ONECUT2: variants seen among roughly 807,000 people sequenced by gnomAD.
The protein encoded by ONECUT2 is one cut homeobox 2.
In ONECUT2, 10 loss-of-function variants were observed where a neutral mutation model predicts 27.9. The ratio of observed to expected loss-of-function variants is 0.36; its 90% confidence interval spans 0.22 to 0.61. ONECUT2 has a LOEUF of 0.61. Ranked by LOEUF, ONECUT2 falls within the 20% of genes least tolerant of loss-of-function variation. The pLI is 0.73. For synonymous variants in ONECUT2, 334 were observed against 315.1 expected (o/e 1.06, Z -0.64); for missense variants, 686 against 721.0 (o/e 0.95, Z 0.56).
At chr18:57,437,053 C>G in intron 1 of ONECUT2, 109 bp downstream of exon 1, 1 of 1,447,748 alleles carries the variant, frequency 6.9e-7, no homozygotes, top group Non-Finnish European at 9.1e-7. Flanking sequence ...CTTTCCTTCT[C>G]TTTCCTATAC....
At chr18:57,454,064 G>T (rs996756636) in intron 1 of ONECUT2, among the ~76,000 whole-genome samples, 1 of 152,064 alleles carries the variant, frequency 6.6e-6, no homozygotes, top group South Asian at 2.1e-4. Context: ...TTGTTCCAAA[G>T]AACTGCTTTT....
intron 1 of ONECUT2, among the ~76,000 whole-genome samples, chr18:57,442,243 G>GT (rs1568118321): frequency 0.062 from 7,927 of 127,378 alleles, 277 homozygotes; most frequent in Non-Finnish European, 0.082. Flanking sequence ...AATTCTTCTG[G>GT]GTTTTTTTTT....
chr18:57,448,466 C>A (rs952845097), intron 1 of ONECUT2, among the ~76,000 whole-genome samples: 5 of 152,244 alleles, frequency 3.3e-5, no homozygotes, highest in African/African-American at 1.2e-4. Flanking sequence ...TCTAAATGCC[C>A]AAAATTTTGT....
At position 57,479,726 on chromosome 18, in the gene ONECUT2, G is replaced by A. The variant is rs958745275; in HGVS notation, c.*3003G>A. ...CCCAGAACTGGGTCCTGACAGTGGG[G>A]TGCTCATCTTCTGTAACTGTTGGGA... On this transcript the variant is annotated 3_prime_UTR_variant, in exon 2 of 2. Transcript: ENST00000491143. The A allele has an allele frequency of 6.6e-6, 1 of 152,532 alleles. No individual in the cohort carries two copies. The highest frequency in any genetic ancestry group is 6.5e-5 in the Admixed American group (1 of 15,278). 9.4% of individuals were successfully genotyped at this position (152,532 alleles called of 1,614,324 possible). A position where few individuals can be genotyped will look rare whatever the true frequency, so the allele number is the denominator to read the frequency against.
Position 57,436,611 on chromosome 18 carries a change from G to A in ONECUT2, c.895G>A (p.Gly299Ser), listed in dbSNP as rs769758248. Reference protein sequence around the residue: ...MSHLNGLHHPGHTQSHGPVLA... With the variant: ...MSHLNGLHHPSHTQSHGPVLA... ...GCACCTGAACGGCCTGCACCACCCG[G>A]GCCACACTCAGTCTCACGGGCCGGT... The change falls in exon 1 of 2, where the codon GGC becomes AGC. Residue 299 changes from glycine (G) to serine (S), a missense_variant. Around this residue, in one of 4 missense-constraint regions of ONECUT2, gnomAD observed 511 missense variants for 488.1 expected, o/e 1.05. Transcript: ENST00000491143. The surrounding 1 kb of genome is among the most constrained non-coding windows in gnomAD (Gnocchi z 5.9). 6 of 1,610,818 alleles carry A rather than the reference G, an allele frequency of 3.7e-6. No individual in the cohort carries two copies. Among genetic ancestry groups the A allele is most frequent in the Non-Finnish European group, 5.1e-6 (6 of 1,179,878 alleles).
At chr18:57,469,619 G>A (rs1304959990) in intron 1 of ONECUT2, among the ~76,000 whole-genome samples, 1 of 152,316 alleles carries the variant, frequency 6.6e-6, no homozygotes, top group South Asian at 2.1e-4. Context: ...TTGGCTATGA[G>A]ACAACCTCAC....
chr18:57,467,761 C>T (rs986098848), intron 1 of ONECUT2, among the ~76,000 whole-genome samples: 2 of 152,242 alleles, frequency 1.3e-5, no homozygotes, highest in African/African-American at 4.8e-5. Flanking sequence ...GCCCAAGACA[C>T]GGCTCACACC....
chr18:57,456,651 C>T lies in ONECUT2; in HGVS notation c.1228+19707C>T, dbSNP rs72932460. ...TTTAGTTCTGCAAGATATAAAAGTTCTGGAGATTGTACAAGAATGTGAATA... is the reference window on the plus strand; with the variant it reads ...TTTAGTTCTGCAAGATATAAAAGTTTTGGAGATTGTACAAGAATGTGAATA... On this transcript the variant is annotated intron_variant, in intron 1 of 1. Coordinates refer to ENST00000491143, the MANE Select transcript of ONECUT2 (RefSeq NM_004852.3). Among the ~76,000 whole-genome samples the T allele has an allele frequency of 4.6e-3, 701 of 152,186 alleles. 7 individuals are homozygous for T. The highest frequency in any genetic ancestry group is 6.0e-3 in the Non-Finnish European group (410 of 68,016).
rs569444019 is a variant in ONECUT2 at position 57,487,978 on chromosome 18, A to T, written c.*11255A>T. 3.1e-4 allele frequency: 47 copies of T among 152,330 alleles called. No individual in the cohort carries two copies. Among genetic ancestry groups the T allele is most frequent in the African/African-American group, 1.1e-3 (47 of 41,574 alleles). The allele number at this position is 152,330 out of a possible 1,614,324, so 9.4% of individuals were successfully genotyped here. A position where few individuals can be genotyped will look rare whatever the true frequency, so the allele number is the denominator to read the frequency against. ...AACTGCCAAGCACACTTTATTTTGC[A>T]TAGGAGTATGCAGCCTAGGGAACCT... On this transcript the variant is annotated 3_prime_UTR_variant, in exon 2 of 2. Transcript: ENST00000491143.
In ONECUT2 at chr18:57,476,637, G is replaced by T; in HGVS notation, c.1429G>T (p.Ala477Ser). Residue 477 changes from alanine (A) to serine (S), a missense_variant, in exon 2 of 2, where the codon GCC becomes TCC. Ala to Ser is a moderately conservative substitution (Grantham distance 99). This residue lies in a region of ONECUT2 where 77 missense variants were observed against 105.5 expected (regional missense o/e 0.73). Transcript: ENST00000491143. ...AACCGTCAGCAACTTCTTCATGAACGCCCGGCGCCGCAGCCTGGAGAAGTG... is the reference window on the plus strand; with the variant it reads ...AACCGTCAGCAACTTCTTCATGAACTCCCGGCGCCGCAGCCTGGAGAAGTG... ...LTTVSNFFMN[A>S]RRRSLEKWQD... 1 of 1,614,126 alleles carries T rather than the reference G, an allele frequency of 6.2e-7. No homozygotes were observed. Among genetic ancestry groups the T allele is most frequent in the Non-Finnish European group, 8.5e-7 (1 of 1,180,018 alleles).
intron 1 of ONECUT2, among the ~76,000 whole-genome samples, chr18:57,448,424 A>C (rs2050212599): frequency 6.6e-6 from 1 of 152,224 alleles, no homozygotes; most frequent in South Asian, 2.1e-4. Flanking sequence ...AGAGCATTCA[A>C]ATTTGATGTT....
chr18:57,455,041 T>G lies in ONECUT2; in HGVS notation c.1228+18097T>G, dbSNP rs543073494. Among the ~76,000 whole-genome samples, 7 of 152,322 alleles carry G rather than the reference T, an allele frequency of 4.6e-5. No individual in the cohort carries two copies. The South Asian group carries it at 1.5e-3, about 32-fold the overall frequency. ...ATAATGATCACAGGTTTGGGGGGCC[T>G]TATCAGAAAGTTATTTTTATAGACA... On this transcript the variant is annotated intron_variant, in intron 1 of 1. Coordinates refer to ENST00000491143, the MANE Select transcript of ONECUT2 (RefSeq NM_004852.3).
At chr18:57,451,974 G>GT (rs1435353235) in intron 1 of ONECUT2, among the ~76,000 whole-genome samples, 3 of 151,988 alleles carry the variant, frequency 2.0e-5, no homozygotes, top group Non-Finnish European at 4.4e-5. Flanking sequence ...TTCTTTGTTT[G>GT]TTTGTTTTGT....
In ONECUT2 at chr18:57,441,535, C is replaced by T. The variant is rs1405945932; in HGVS notation, c.1228+4591C>T. Among the ~76,000 whole-genome samples the T allele has an allele frequency of 3.9e-5, 6 of 152,274 alleles. No homozygotes were observed. The South Asian group carries it at 8.3e-4, about 21-fold the overall frequency. On this transcript the variant is annotated intron_variant, in intron 1 of 1. Coordinates refer to ENST00000491143, the MANE Select transcript of ONECUT2 (RefSeq NM_004852.3). ...CCTCCCCCGACCTCTGCACCACCCG[C>T]CCCTGTGCGCACACACCGCTACTTG...
chr18:57,436,441 C>T lies in ONECUT2; in HGVS notation c.725C>T (p.Ala242Val), dbSNP rs771192340. ...LGNGLGGLHN[A>V]QQSLPNYGPP... Reference sequence around the variant, plus strand: ...AACGGGCTAGGCGGCCTCCACAACGCGCAGCAGAGTCTGCCCAACTACGGT... The same window carrying T: ...AACGGGCTAGGCGGCCTCCACAACGTGCAGCAGAGTCTGCCCAACTACGGT... The change falls in exon 1 of 2, where the codon GCG (alanine) becomes GTG (valine). Residue 242 changes from alanine to valine, a missense_variant. This residue lies in a region of ONECUT2 where 511 missense variants were observed against 488.1 expected (regional missense o/e 1.05). Transcript: ENST00000491143. The surrounding 1 kb of genome is among the most constrained non-coding windows in gnomAD (Gnocchi z 5.9). 23 of 1,612,736 alleles carry T rather than the reference C, an allele frequency of 1.4e-5. No individual in the cohort carries two copies. Among genetic ancestry groups the T allele is most frequent in the Non-Finnish European group, 1.9e-5 (23 of 1,179,864 alleles).
At chr18:57,472,822 T>G (rs2050361376) in intron 1 of ONECUT2, among the ~76,000 whole-genome samples, 1 of 152,138 alleles carries the variant, frequency 6.6e-6, no homozygotes, top group Non-Finnish European at 1.5e-5. Context: ...CAGCATTATC[T>G]GAAGAATAAT....
chr18:57,471,970 C>T (rs2050356688), intron 1 of ONECUT2, among the ~76,000 whole-genome samples: 1 of 152,162 alleles, frequency 6.6e-6, no homozygotes, highest in East Asian at 1.9e-4. Context: ...GGCATGCCCT[C>T]CCTGCTTTCC....
Position 57,490,726 on chromosome 18 carries a change from G to A in ONECUT2, c.*14003G>A, listed in dbSNP as rs2279096. 0.52 allele frequency: 79,337 copies of A among 151,916 alleles called. 23,916 individuals are homozygous for A. The highest frequency in any genetic ancestry group is 0.69 in the Non-Finnish European group (46,763 of 67,964). The allele number at this position is 151,916 out of a possible 1,614,324, so 9.4% of individuals were successfully genotyped here. A position where few individuals can be genotyped will look rare whatever the true frequency, so the allele number is the denominator to read the frequency against. ...CAAGAGATCAGAGAGTCACATATAC[G>A]CCTCTTGTTTTATTTTCTTGCTTTC... On this transcript the variant is annotated 3_prime_UTR_variant, in exon 2 of 2. Transcript: ENST00000491143.
At chr18:57,439,458 T>C (rs2144289292) in intron 1 of ONECUT2, among the ~76,000 whole-genome samples, 1 of 152,348 alleles carries the variant, frequency 6.6e-6, no homozygotes, top group Middle Eastern at 3.4e-3. Flanking sequence ...CTTTAGCCTT[T>C]TTATCTGGCC....
Sources: gnomAD v4.1 joint callset for allele counts (sites outside exome capture counted in the v4.1 genomes callset) on GRCh38, gnomAD v4.1.1 for gene constraint, gnomAD v4.1.1 regional missense constraint, Gnocchi (gnomAD v3.1) non-coding constraint, MANE v1.5 for transcripts, NCBI Gene and HGNC (gene_info 2026-07-23, HGNC 2026-07-21) for gene names.